ROBO2: variants seen among roughly 807,000 people sequenced by gnomAD.
ROBO2 encodes the protein roundabout homolog 2.
In ROBO2, 53 loss-of-function variants were observed where a neutral mutation model predicts 160.8. The ratio of observed to expected loss-of-function variants is 0.33; its 90% confidence interval spans 0.26 to 0.41. The LOEUF (loss-of-function observed/expected upper bound fraction) is 0.41. Among genes scored for constraint, ROBO2 ranks in the 10% least tolerant of loss-of-function variants. The pLI, the probability that ROBO2 is intolerant of heterozygous loss-of-function variation, is 1.00. For synonymous variants in ROBO2, 664 were observed against 611.7 expected (o/e 1.09, Z -1.26); for missense variants, 1,577 against 1,722.4 (o/e 0.92, Z 1.49).
chr3:76,436,202 T>A (rs963412408), intron 2 of ROBO2, among the ~76,000 whole-genome samples: 86 of 70,756 alleles, frequency 1.2e-3, no homozygotes, highest in Non-Finnish European at 1.9e-3. Context: ...TCTTTTTTTT[T>A]ATTTTTTTAT....
intron 2 of ROBO2, among the ~76,000 whole-genome samples, chr3:76,100,507 T>G (rs551444526): frequency 1.3e-5 from 2 of 152,316 alleles, no homozygotes; most frequent in African/African-American, 2.4e-5. Context: ...GATAGTAAAT[T>G]TTACTTAAAA....
chr3:76,715,050 G>A (rs2093357483), intron 2 of ROBO2, among the ~76,000 whole-genome samples: 1 of 152,006 alleles, frequency 6.6e-6, no homozygotes, highest in Non-Finnish European at 1.5e-5. Flanking sequence ...TAAATTATGG[G>A]ATGCAATGCC....
chr3:77,157,750 TA>T (rs1341433207), intron 2 of ROBO2, among the ~76,000 whole-genome samples: 1 of 152,146 alleles, frequency 6.6e-6, no homozygotes, highest in Non-Finnish European at 1.5e-5. Context: ...AAGCCAATTC[TA>T]AATCAGAGTT....
At chr3:76,057,442 T>C (rs2067886759) in intron 2 of ROBO2, among the ~76,000 whole-genome samples, 1 of 152,210 alleles carries the variant, frequency 6.6e-6, no homozygotes. Context: ...CTTAAAATGC[T>C]AGAATATTTC....
intron 23 of ROBO2, among the ~76,000 whole-genome samples, chr3:77,623,280 T>C (rs777677361): frequency 9.9e-5 from 15 of 151,510 alleles, no homozygotes; most frequent in Non-Finnish European, 1.8e-4. Context: ...TGAAGTCTGG[T>C]CTCTGCATTT....
At chr3:77,033,406 T>C (rs1370749071) in intron 2 of ROBO2, among the ~76,000 whole-genome samples, 1 of 152,162 alleles carries the variant, frequency 6.6e-6, no homozygotes, top group Non-Finnish European at 1.5e-5. Flanking sequence ...TTTTTGATAG[T>C]TTAAACATGA....
At chr3:77,305,299 A>G (rs1251367226) in intron 2 of ROBO2, among the ~76,000 whole-genome samples, 1 of 152,244 alleles carries the variant, frequency 6.6e-6, no homozygotes, top group East Asian at 1.9e-4. Flanking sequence ...GGCCAAAACA[A>G]GGGATTTCAA....
chr3:77,369,545 T>TA (rs1327304214), intron 2 of ROBO2, among the ~76,000 whole-genome samples: 1 of 152,200 alleles, frequency 6.6e-6, no homozygotes, highest in East Asian at 1.9e-4. Flanking sequence ...GTTGCATACT[T>TA]ACCTGAAAGT....
chr3:76,761,961 TTTTA>T (rs2061331278), intron 2 of ROBO2, among the ~76,000 whole-genome samples: 1 of 151,672 alleles, frequency 6.6e-6, no homozygotes, highest in African/African-American at 2.4e-5. Context: ...ATAAACTTTT[TTTTA>T]TCTAATAAGA....
intron 2 of ROBO2, among the ~76,000 whole-genome samples, chr3:76,129,572 G>C (rs1164093268): frequency 1.3e-5 from 2 of 152,036 alleles, no homozygotes; most frequent in Non-Finnish European, 2.9e-5. Context: ...AGAAAAGAGA[G>C]CTCTTATTAG....
chr3:76,229,470 T>G (rs1704491409), intron 2 of ROBO2, among the ~76,000 whole-genome samples: 1 of 152,156 alleles, frequency 6.6e-6, no homozygotes, highest in South Asian at 2.1e-4. Context: ...CTTTTTGGAT[T>G]ACATAAATAT....
chr3:76,049,764 A>G (rs1248444479), intron 2 of ROBO2, among the ~76,000 whole-genome samples: 2 of 152,058 alleles, frequency 1.3e-5, no homozygotes, highest in African/African-American at 4.8e-5. Context: ...CAAGGAAGAT[A>G]TGTGTGTGTC....
At chr3:76,531,447 T>C (rs1250404816) in intron 2 of ROBO2, among the ~76,000 whole-genome samples, 1 of 152,096 alleles carries the variant, frequency 6.6e-6, no homozygotes, top group Non-Finnish European at 1.5e-5. Context: ...CTTTAGAAGA[T>C]ATAAATATTT....
intron 2 of ROBO2, among the ~76,000 whole-genome samples, chr3:77,165,627 AACT>A (rs1445946628): frequency 2.0e-5 from 3 of 152,146 alleles, no homozygotes; most frequent in African/African-American, 7.2e-5. Flanking sequence ...CACATTCCCT[AACT>A]CCTATATTTT....
At chr3:76,681,814 C>A (rs1327218414) in intron 2 of ROBO2, among the ~76,000 whole-genome samples, 1 of 151,898 alleles carries the variant, frequency 6.6e-6, no homozygotes, top group Non-Finnish European at 1.5e-5. Flanking sequence ...GCAAAAACAG[C>A]AATTACTGTT....
At chr3:77,469,508 T>A (rs1334863856) in intron 2 of ROBO2, among the ~76,000 whole-genome samples, 1 of 152,168 alleles carries the variant, frequency 6.6e-6, no homozygotes, top group Non-Finnish European at 1.5e-5. Context: ...GCTAGGGGAA[T>A]AATCTGTGGT....
intron 5 of ROBO2, among the ~76,000 whole-genome samples, chr3:77,519,958 T>G (rs1459070938): frequency 6.6e-6 from 1 of 151,496 alleles, no homozygotes; most frequent in Non-Finnish European, 1.5e-5. Context: ...TTTTGACTTT[T>G]TAATAGTAAC....
At chr3:77,021,301 G>T (rs1447397388) in intron 2 of ROBO2, among the ~76,000 whole-genome samples, 1 of 152,146 alleles carries the variant, frequency 6.6e-6, no homozygotes, top group Admixed American at 6.5e-5. Context: ...CAGAAGCAAA[G>T]TCTCTTCCTG....
chr3:75,922,799 ATTAACT>A (rs1947123257), intron 1 of ROBO2, among the ~76,000 whole-genome samples: 1 of 152,210 alleles, frequency 6.6e-6, no homozygotes, highest in Admixed American at 6.5e-5. Flanking sequence ...AAGAATAGTA[ATTAACT>A]TTAATAAATA....
Sources: gnomAD v4.1 joint callset for allele counts (sites outside exome capture counted in the v4.1 genomes callset) on GRCh38, gnomAD v4.1.1 for gene constraint, MANE v1.5 for transcripts, NCBI Gene and HGNC (gene_info 2026-07-23, HGNC 2026-07-21) for gene names.